The following PCDH15 variants were observed in gnomAD, a reference collection of about 807,000 sequenced individuals.
PCDH15 encodes protocadherin-15.
PCDH15 carries 129 observed loss-of-function variants against 178.5 expected under a neutral mutation model. The observed-to-expected ratio is 0.72, with a 90% CI of 0.63 to 0.84. The LOEUF (loss-of-function observed/expected upper bound fraction) is 0.84. PCDH15 is among the 40% of genes least tolerant of loss of function. The pLI is 0.00. For missense variants in PCDH15, 2,230 were observed against 2,099.9 expected (o/e 1.06, Z -1.21); for synonymous variants, 800 against 732.0 (o/e 1.09, Z -1.50).
intron 1 of PCDH15, among the ~76,000 whole-genome samples, chr10:55,222,039 T>A (rs2132185261): frequency 6.6e-6 from 1 of 151,040 alleles, no homozygotes; most frequent in African/African-American, 2.4e-5. Context: ...GCTAATTTTT[T>A]TTTTTTTTTG....
At chr10:55,411,336 A>C (rs952898063) in intron 2 of PCDH15, among the ~76,000 whole-genome samples, 1 of 152,130 alleles carries the variant, frequency 6.6e-6, no homozygotes, top group Non-Finnish European at 1.5e-5. Flanking sequence ...TCAATAAATA[A>C]TTTATATTTA....
At chr10:54,453,530 G>A (rs1347801672) in intron 3 of PCDH15, among the ~76,000 whole-genome samples, 1 of 151,946 alleles carries the variant, frequency 6.6e-6, no homozygotes, top group Non-Finnish European at 1.5e-5. Flanking sequence ...GGTAGGGATA[G>A]CATTAGGAGA....
intron 2 of PCDH15, among the ~76,000 whole-genome samples, chr10:55,079,292 G>C (rs1841981975): frequency 6.6e-6 from 1 of 152,122 alleles, no homozygotes; most frequent in South Asian, 2.1e-4. Context: ...TCCATGTTTT[G>C]TAGGGTCATT....
intron 1 of PCDH15, among the ~76,000 whole-genome samples, chr10:55,228,578 G>T (rs1425561607): frequency 6.6e-6 from 1 of 151,880 alleles, no homozygotes; most frequent in Non-Finnish European, 1.5e-5. Flanking sequence ...CACCTACTTA[G>T]AAGTTATCAA....
chr10:55,054,231 T>C (rs776158614), intron 2 of PCDH15, among the ~76,000 whole-genome samples: 2 of 152,180 alleles, frequency 1.3e-5, no homozygotes, highest in African/African-American at 4.8e-5. Context: ...TGTGTGTCTA[T>C]GTGTTTTCAT....
intron 2 of PCDH15, among the ~76,000 whole-genome samples, chr10:55,363,595 T>C (rs1845281400): frequency 1.3e-5 from 2 of 152,144 alleles, no homozygotes; most frequent in Non-Finnish European, 2.9e-5. Flanking sequence ...AATGAATCCC[T>C]TGAACTTATT....
chr10:55,033,212 G>A (rs955880046), intron 2 of PCDH15, among the ~76,000 whole-genome samples: 2 of 152,124 alleles, frequency 1.3e-5, no homozygotes, highest in African/African-American at 4.8e-5. Flanking sequence ...GAGGGGGCAG[G>A]GGGACAGCTA....
chr10:54,655,385 C>T (rs1380587708), intron 2 of PCDH15, among the ~76,000 whole-genome samples: 1 of 147,728 alleles, frequency 6.8e-6, no homozygotes, highest in Non-Finnish European at 1.5e-5. Flanking sequence ...TTGTAAGTTA[C>T]CTCAGAAATA....
intron 1 of PCDH15, among the ~76,000 whole-genome samples, chr10:55,303,462 C>T (rs565175679): frequency 7.9e-5 from 12 of 152,260 alleles, no homozygotes; most frequent in African/African-American, 2.9e-4. Flanking sequence ...CCAATTTCCC[C>T]TTGGTAATCG....
intron 3 of PCDH15, among the ~76,000 whole-genome samples, chr10:54,495,149 T>C (rs1015502015): frequency 2.0e-5 from 3 of 152,154 alleles, no homozygotes; most frequent in Non-Finnish European, 4.4e-5. Flanking sequence ...GTGCTAATAA[T>C]GGTCTATGAT....
At chr10:54,179,094 G>A (rs1438961261) in intron 13 of PCDH15, among the ~76,000 whole-genome samples, 1 of 152,182 alleles carries the variant, frequency 6.6e-6, no homozygotes, top group East Asian at 1.9e-4. Context: ...CTATAAATCA[G>A]GCTGCTATAA....
chr10:55,590,019 T>C (rs2132130464), intron 2 of PCDH15, among the ~76,000 whole-genome samples: 1 of 147,072 alleles, frequency 6.8e-6, no homozygotes, highest in East Asian at 2.0e-4. Context: ...CACACGTATG[T>C]TTATTGTGGC....
chr10:54,996,163 A>C (rs1242159753), intron 2 of PCDH15, among the ~76,000 whole-genome samples: 2 of 152,076 alleles, frequency 1.3e-5, no homozygotes, highest in Admixed American at 6.6e-5. Flanking sequence ...AAACCCTCCT[A>C]AACAGTGGCT....
At chr10:54,554,660 A>C (rs1180122325) in intron 2 of PCDH15, among the ~76,000 whole-genome samples, 1 of 152,134 alleles carries the variant, frequency 6.6e-6, no homozygotes, top group African/African-American at 2.4e-5. Context: ...TAGGAACAGG[A>C]CCTCCAACAC....
chr10:53,847,805 T>C (rs898607718), intron 28 of PCDH15, among the ~76,000 whole-genome samples: 7 of 152,124 alleles, frequency 4.6e-5, no homozygotes, highest in African/African-American at 1.7e-4. Flanking sequence ...TTCTTTCTCA[T>C]CTGTTTGCTT....
Position 54,634,454 on chromosome 10 carries a change from G to A in PCDH15, c.91+29718C>T, listed in dbSNP as rs139221773. 8.4e-4 allele frequency among the ~76,000 whole-genome samples: 128 copies of A among 152,000 alleles called. 1 individual carries two copies. In the East Asian group the frequency reaches 0.024, roughly 28 times the overall value. ...TAATATTTTATTCATTTTAATTATT[G>A]GAGGTCATATAAGTCTCTGGACTTA... On this transcript the variant is annotated intron_variant, in intron 2 of 37. Coordinates refer to ENST00000644397, the MANE Select transcript of PCDH15 (RefSeq NM_001384140.1).
intron 1 of PCDH15, among the ~76,000 whole-genome samples, chr10:54,754,782 G>T (rs895601750): frequency 1.3e-5 from 2 of 151,976 alleles, no homozygotes; most frequent in African/African-American, 4.8e-5. Flanking sequence ...ATAATGTGCT[G>T]CTGCTCACAA....
intron 3 of PCDH15, among the ~76,000 whole-genome samples, chr10:54,492,986 CAAAG>C (rs1367533039): frequency 6.6e-6 from 1 of 152,022 alleles, no homozygotes; most frequent in Non-Finnish European, 1.5e-5. Context: ...TGGCAGCAGG[CAAAG>C]AGAGAGAATT....
intron 2 of PCDH15, among the ~76,000 whole-genome samples, chr10:54,593,975 G>T (rs1367983417): frequency 6.6e-6 from 1 of 151,846 alleles, no homozygotes; most frequent in East Asian, 1.9e-4. Context: ...CAGAGGGAAG[G>T]CATTGAGAGC....
Sources: gnomAD v4.1 joint callset for allele counts (sites outside exome capture counted in the v4.1 genomes callset) on GRCh38, gnomAD v4.1.1 for gene constraint, MANE v1.5 for transcripts, NCBI Gene and HGNC (gene_info 2026-07-23, HGNC 2026-07-21) for gene names.